The following DBNDD1 variants were observed in gnomAD, a reference collection of about 807,000 sequenced individuals.
DBNDD1 encodes dysbindin domain-containing protein 1.
In DBNDD1, 14 loss-of-function variants were observed where a neutral mutation model predicts 17.0. The ratio of observed to expected loss-of-function variants is 0.82; its 90% CI spans 0.54 to 1.29. The LOEUF (loss-of-function observed/expected upper bound fraction) is 1.29, where lower values mean the gene tolerates loss of function less well. Among genes scored for constraint, DBNDD1 ranks in the 50% most tolerant of loss-of-function variants. The pLI is 0.00. For missense variants in DBNDD1, 221 were observed against 216.2 expected (o/e 1.02, Z -0.14); for synonymous variants, 105 against 102.0 (o/e 1.03, Z -0.18).
In DBNDD1 at chr16:90,009,416, C is replaced by T; in HGVS notation, c.46G>A (p.Ala16Thr). 1 of 1,611,902 alleles carries T rather than the reference C, an allele frequency of 6.2e-7. No individual in the cohort carries two copies. The highest frequency in any genetic ancestry group is 8.5e-7 in the Non-Finnish European group (1 of 1,180,006). Residue 16 changes from alanine to threonine, a missense_variant, in exon 2 of 4, where the codon GCT (alanine) becomes ACT (threonine). Physicochemically the swap from Ala to Thr is moderately conservative, Grantham distance 58 (BLOSUM62 0). Transcript: ENST00000002501. ...GAGTGEIVKE[A>T]EVPQAALGVP... ...CCCAGCGCAGCCTGCGGCACCTCAG[C>T]CTCCTTAACGATCTCTGCATCCAAA...
Position 90,006,475 on chromosome 16 carries a change from G to C in DBNDD1, c.337C>G (p.Arg113Gly). 1 of 1,598,784 alleles carries C rather than the reference G, an allele frequency of 6.3e-7. No homozygotes were observed. Among genetic ancestry groups the C allele is most frequent in the Non-Finnish European group, 8.5e-7 (1 of 1,179,674 alleles). ...GAAGGGGAGCGCAGGTAGCCGGCCC[G>C]GGGCAGCGGGTGCAGACCTAGGGGC... The part of the protein sequence containing the change: ...ESPAGLHPLP[R>G]AGYLRSPSWT... Residue 113 changes from arginine (R) to glycine (G), a missense_variant, in exon 4 of 4, where the codon CGG (arginine) becomes GGG (glycine). Coordinates refer to ENST00000002501, the MANE Select transcript of DBNDD1 (RefSeq NM_001042610.3).
intron 1 of DBNDD1, among the ~76,000 whole-genome samples, chr16:90,013,520 G>A (rs547628929): frequency 2.4e-4 from 36 of 152,246 alleles, no homozygotes; most frequent in African/African-American, 6.0e-4. Context: ...TGATCATGGC[G>A]TGGAGATGGG....
intron 3 of DBNDD1, chr16:90,006,805 T>C (rs545359733): frequency 4.1e-5 from 12 of 290,588 alleles, no homozygotes; most frequent in African/African-American, 2.3e-4. Context: ...CCCTAAACTG[T>C]TCCCCCCGCA....
intron 1 of DBNDD1, chr16:90,009,922 G>A (rs1298868497): frequency 1.3e-6 from 2 of 1,597,964 alleles, no homozygotes; most frequent in South Asian, 1.1e-5. Context: ...TTTGAGTTCA[G>A]AATAATACAT....
rs1597575350 is a variant in DBNDD1, at chr16:90,006,181, G to A, written c.*154C>T. 8.2e-6 allele frequency: 9 copies of A among 1,097,526 alleles called. No homozygotes were observed. Among genetic ancestry groups the A allele is most frequent in the Non-Finnish European group, 1.0e-5 (8 of 789,910 alleles). The allele number at this position is 1,097,526 out of a possible 1,614,324, so 68.0% of individuals were successfully genotyped here. On this transcript the variant is annotated 3_prime_UTR_variant, in exon 4 of 4. Coordinates refer to ENST00000002501, the MANE Select transcript of DBNDD1 (RefSeq NM_001042610.3). ...GTGCCCAGCAGACAAGGCCGGTCTC[G>A]GGGCTGGCAGAGAGCTGCCCCCAGG...
chr16:90,017,533 T>C (rs1158191928), intron 1 of DBNDD1, among the ~76,000 whole-genome samples: 2 of 152,222 alleles, frequency 1.3e-5, no homozygotes, highest in East Asian at 1.9e-4. Flanking sequence ...TATTTCTGAA[T>C]TATTTATCAG....
intron 1 of DBNDD1, among the ~76,000 whole-genome samples, chr16:90,013,261 T>TAAAAAAAAAAAAAAAAAAA (rs1567835111): frequency 2.4e-3 from 11 of 4,494 alleles, no homozygotes; most frequent in Non-Finnish European, 4.9e-3. Context: ...AAACCTTGCC[T>TAAAAAAAAAAAAAAAAAAA]TAAAAAAAAA....
intron 1 of DBNDD1, among the ~76,000 whole-genome samples, chr16:90,014,510 GGA>G (rs1459791462): frequency 3.9e-5 from 6 of 152,072 alleles, no homozygotes; most frequent in African/African-American, 1.2e-4. Context: ...GTGCTGAGAT[GGA>G]GGTCCCAAGC....
rs754570331 is a variant in DBNDD1 at position 90,006,504 on chromosome 16, C to T, written c.320-12G>A. On this transcript the variant is annotated splice_polypyrimidine_tract_variant and intron_variant, in intron 3 of 3. Coordinates refer to ENST00000002501, the MANE Select transcript of DBNDD1 (RefSeq NM_001042610.3). ...CAGCGGGTGCAGACCTAGGGGCATG[C>T]GGGAAGGGGAACTCGGTGTGGCTGA... 2.8e-5 allele frequency: 45 copies of T among 1,593,466 alleles called. No homozygotes were observed. Among genetic ancestry groups the T allele is most frequent in the African/African-American group, 1.3e-4 (10 of 74,792 alleles).
chr16:90,018,194 A>C (rs1014703657), intron 1 of DBNDD1, among the ~76,000 whole-genome samples: 1 of 152,222 alleles, frequency 6.6e-6, no homozygotes, highest in Admixed American at 6.5e-5. Flanking sequence ...CAGGCTTCCT[A>C]TGTCCACAAA....
intron 1 of DBNDD1, chr16:90,010,262 ACTC>A (rs2035528193): frequency 1.1e-5 from 5 of 454,346 alleles, no homozygotes; most frequent in South Asian, 5.4e-5. Context: ...GCCAGGCTGA[ACTC>A]CTGACCTCAG....
In DBNDD1 at chr16:90,014,283, T is replaced by G. The variant is rs12925506; in HGVS notation, c.32-4853A>C. On this transcript the variant is annotated intron_variant, in intron 1 of 3. Transcript: ENST00000002501. ...CTGGGATTACAGGCGTGCGCCACCA[T>G]GCCTGGCTAATTTTTGTATCTTTAG... Among the ~76,000 whole-genome samples the G allele has an allele frequency of 2.6e-5, 4 of 151,942 alleles. No individual in the cohort carries two copies. The South Asian group carries it at 6.2e-4, about 24-fold the overall frequency.
intron 1 of DBNDD1, chr16:90,010,001 C>T (rs376512257): frequency 1.2e-5 from 20 of 1,614,064 alleles, no homozygotes; most frequent in Non-Finnish European, 1.6e-5. Context: ...CCTTAGCCAC[C>T]AACCATGCCT....
intron 1 of DBNDD1, among the ~76,000 whole-genome samples, chr16:90,015,741 G>A (rs1046342830): frequency 6.6e-6 from 1 of 152,180 alleles, no homozygotes; most frequent in East Asian, 1.9e-4. Context: ...TCGAGTGAAG[G>A]AAGCCAGGCC....
chr16:90,017,489 C>T (rs893115144), intron 1 of DBNDD1, among the ~76,000 whole-genome samples: 9 of 112,924 alleles, frequency 8.0e-5, no homozygotes, highest in African/African-American at 1.6e-4. Flanking sequence ...AGCGAGACTC[C>T]GTCTCAAAAA....
At chr16:90,017,905 G>C (rs906926402) in intron 1 of DBNDD1, among the ~76,000 whole-genome samples, 8 of 152,360 alleles carry the variant, frequency 5.3e-5, no homozygotes, top group Non-Finnish European at 1.0e-4. Flanking sequence ...CACTGATTGA[G>C]TCAGGTGTCT....
At chr16:90,009,072 A>G in intron 2 of DBNDD1, 148 bp from the exon 3 acceptor site, 1 of 1,240,426 alleles carries the variant, frequency 8.1e-7, no homozygotes, top group Non-Finnish European at 1.1e-6. Flanking sequence ...GCAGGATCTG[A>G]TGAGTGTTGC....
At position 90,010,071 on chromosome 16, in the gene DBNDD1, A is replaced by G. The variant is rs534827050; in HGVS notation, c.32-641T>C. The G allele has an allele frequency of 3.1e-6, 5 of 1,611,294 alleles. No individual in the cohort carries two copies. The South Asian group carries it at 5.5e-5, about 18-fold the overall frequency. On this transcript the variant is annotated intron_variant, in intron 1 of 3. Transcript: ENST00000002501. ...ATGTTTATTTATTTTTTTTAGATGGAGTCTCGCTCTGTCACCCAGGCTGGA... is the reference window on the plus strand; with the variant it reads ...ATGTTTATTTATTTTTTTTAGATGGGGTCTCGCTCTGTCACCCAGGCTGGA...
At chr16:90,010,933 C>T (rs1286169786) in intron 1 of DBNDD1, among the ~76,000 whole-genome samples, 1 of 148,986 alleles carries the variant, frequency 6.7e-6, no homozygotes, top group African/African-American at 2.6e-5. Flanking sequence ...CGCTGGCTTC[C>T]TTCCCCCCAC....
Sources: gnomAD v4.1 joint callset for allele counts (sites outside exome capture counted in the v4.1 genomes callset) on GRCh38, gnomAD v4.1.1 for gene constraint, MANE v1.5 for transcripts, NCBI Gene and HGNC (gene_info 2026-07-23, HGNC 2026-07-21) for gene names.